Variants in SPOCK3 observed in about 807,000 individuals in gnomAD.
SPOCK3 encodes SPARC (osteonectin), cwcv and kazal like domains proteoglycan 3.
A neutral mutation model predicts 56.6 loss-of-function variants in SPOCK3; 30 were observed. The ratio of observed to expected loss-of-function variants is 0.53; its 90% confidence interval spans 0.40 to 0.72. The LOEUF is 0.72. SPOCK3 is among the 30% of genes least tolerant of loss of function. The probability of loss-of-function intolerance (pLI) is 0.00; values close to 1 mark genes in which losing one functional copy is unlikely to be tolerated. For missense variants in SPOCK3, 527 were observed against 530.0 expected (o/e 0.99, Z 0.06); for synonymous variants, 196 against 183.3 (o/e 1.07, Z -0.56).
chr4:167,009,449 A>G (rs187781594), intron 3 of SPOCK3, among the ~76,000 whole-genome samples: 85 of 152,330 alleles, frequency 5.6e-4, no homozygotes, highest in Admixed American at 1.8e-3. Flanking sequence ...GTCTTTTTCC[A>G]CATTGGTGGT....
chr4:166,959,938 C>T (rs532089110), intron 4 of SPOCK3, among the ~76,000 whole-genome samples: 2 of 151,944 alleles, frequency 1.3e-5, no homozygotes, highest in South Asian at 2.1e-4. Flanking sequence ...CAAAATGAAG[C>T]ACAATAAAAG....
intron 6 of SPOCK3, among the ~76,000 whole-genome samples, chr4:166,815,428 TTA>T (rs1214113171): frequency 2.0e-5 from 3 of 152,106 alleles, no homozygotes; most frequent in African/African-American, 7.2e-5. Context: ...TCTGAATAAA[TTA>T]TGTCTTTCAT....
rs144140162 is a variant in SPOCK3 at position 166,825,298 on chromosome 4, C to T, written c.590-33009G>A. Among the ~76,000 whole-genome samples the T allele has an allele frequency of 4.7e-3, 710 of 152,028 alleles. 2 individuals are homozygous for T. Among genetic ancestry groups the T allele is most frequent in the Middle Eastern group, 0.01 (3 of 292 alleles). On this transcript the variant is annotated intron_variant, in intron 6 of 10. Coordinates refer to ENST00000357545, the MANE Select transcript of SPOCK3 (RefSeq NM_001040159.2). ...AACTATTAAGATTCTCTTATTGTTA[C>T]GTTAATTTACTACAATAATATCCTG... is the stretch of plus-strand genomic sequence containing the variant.
chr4:167,205,321 T>TCTATA (rs1561321261), intron 2 of SPOCK3, among the ~76,000 whole-genome samples: 2 of 53,566 alleles, frequency 3.7e-5, no homozygotes, highest in African/African-American at 7.8e-5. Context: ...ATATTTTATA[T>TCTATA]ATATAATATA....
chr4:166,814,729 G>C (rs1744211500), intron 6 of SPOCK3, among the ~76,000 whole-genome samples: 1 of 152,040 alleles, frequency 6.6e-6, no homozygotes, highest in Non-Finnish European at 1.5e-5. Flanking sequence ...GCCACTACTG[G>C]CTTCTTTCTT....
chr4:166,932,250 T>G (rs1739870862), intron 4 of SPOCK3, among the ~76,000 whole-genome samples: 1 of 152,198 alleles, frequency 6.6e-6, no homozygotes, highest in Admixed American at 6.5e-5. Context: ...CAGTATTATT[T>G]TATTCTGGAA....
intron 3 of SPOCK3, among the ~76,000 whole-genome samples, chr4:167,058,224 A>G (rs892441130): frequency 2.0e-5 from 3 of 152,210 alleles, no homozygotes; most frequent in African/African-American, 7.2e-5. Context: ...CTGTTTGCAG[A>G]TGACATGATT....
intron 5 of SPOCK3, among the ~76,000 whole-genome samples, chr4:166,899,462 TAAACTC>T (rs1437583819): frequency 1.3e-5 from 2 of 151,692 alleles, no homozygotes; most frequent in African/African-American, 4.8e-5. Context: ...AGATGGCTGA[TAAACTC>T]TAACAAAGTT....
intron 2 of SPOCK3, among the ~76,000 whole-genome samples, chr4:167,106,706 AGTT>A (rs907468262): frequency 1.6e-5 from 2 of 123,572 alleles, no homozygotes; most frequent in Non-Finnish European, 3.3e-5. Flanking sequence ...TGAAACAAAA[AGTT>A]GTTTTTTTTT....
chr4:167,201,930 T>G (rs946998922), intron 2 of SPOCK3, among the ~76,000 whole-genome samples: 1 of 151,960 alleles, frequency 6.6e-6, no homozygotes. Flanking sequence ...TTATATATTG[T>G]TATCATAAAC....
chr4:167,043,898 T>C (rs1259969124), intron 3 of SPOCK3, among the ~76,000 whole-genome samples: 4 of 152,008 alleles, frequency 2.6e-5, no homozygotes, highest in African/African-American at 9.7e-5. Context: ...ACAGTGTTTG[T>C]TTTCTTTTCT....
intron 2 of SPOCK3, among the ~76,000 whole-genome samples, chr4:167,185,694 C>T (rs1162835716): frequency 6.6e-6 from 1 of 152,156 alleles, no homozygotes; most frequent in Non-Finnish European, 1.5e-5. Flanking sequence ...CTGGAGTTCA[C>T]TATATTTTAG....
At chr4:166,856,947 C>A (rs1236065445) in intron 6 of SPOCK3, among the ~76,000 whole-genome samples, 1 of 151,994 alleles carries the variant, frequency 6.6e-6, no homozygotes, top group Non-Finnish European at 1.5e-5. Flanking sequence ...CAGTATTTTT[C>A]TTTGGCAGTT....
At chr4:166,959,524 A>C (rs1743898530) in intron 4 of SPOCK3, among the ~76,000 whole-genome samples, 1 of 152,052 alleles carries the variant, frequency 6.6e-6, no homozygotes, top group Non-Finnish European at 1.5e-5. Context: ...GAGGCAGGAG[A>C]ATTGTTGAAC....
At chr4:166,929,508 G>C (rs1229199622) in intron 4 of SPOCK3, among the ~76,000 whole-genome samples, 3 of 151,918 alleles carry the variant, frequency 2.0e-5, no homozygotes, top group African/African-American at 7.3e-5. Context: ...GAAGATTTCA[G>C]GGGGATTAAC....
chr4:167,164,074 T>C (rs938252646), intron 2 of SPOCK3, among the ~76,000 whole-genome samples: 1 of 152,136 alleles, frequency 6.6e-6, no homozygotes, highest in Non-Finnish European at 1.5e-5. Context: ...TCTCATTTTC[T>C]TTAAAATACT....
At chr4:166,839,408 G>A (rs1164238767) in intron 6 of SPOCK3, among the ~76,000 whole-genome samples, 1 of 152,164 alleles carries the variant, frequency 6.6e-6, no homozygotes, top group African/African-American at 2.4e-5. Context: ...GGTAGTGAAA[G>A]TCTTGACTTT....
At chr4:166,770,139 T>C (rs1738731432) in intron 7 of SPOCK3, among the ~76,000 whole-genome samples, 1 of 152,160 alleles carries the variant, frequency 6.6e-6, no homozygotes, top group Non-Finnish European at 1.5e-5. Context: ...GCTTCCCTGG[T>C]GAGGTGATGC....
intron 8 of SPOCK3, among the ~76,000 whole-genome samples, chr4:166,752,617 T>C (rs1000089753): frequency 6.6e-6 from 1 of 150,606 alleles, no homozygotes; most frequent in Non-Finnish European, 1.5e-5. Flanking sequence ...CACACACATA[T>C]ATTTATAGCT....
Sources: allele counts gnomAD v4.1 joint callset (sites outside exome capture counted in the v4.1 genomes callset), GRCh38; gene constraint gnomAD v4.1.1; transcripts MANE v1.5; gene names NCBI Gene and HGNC (gene_info 2026-07-23, HGNC 2026-07-21).